Variants in DLGAP1 observed in about 807,000 individuals in gnomAD.
DLGAP1 encodes the protein DLG associated protein 1.
In DLGAP1, 11 loss-of-function variants were observed where a neutral mutation model predicts 90.8. The observed-to-expected ratio is 0.12, with a 90% CI of 0.08 to 0.20. DLGAP1 has a LOEUF of 0.20. DLGAP1 is among the 10% of genes least tolerant of loss of function. DLGAP1 has a pLI of 1.00. For missense variants in DLGAP1, 1,050 were observed against 1,333.8 expected (o/e 0.79, Z 3.31); for synonymous variants, 558 against 540.7 (o/e 1.03, Z -0.44).
chr18:3,752,530 C>T (rs1015954420), intron 5 of DLGAP1, among the ~76,000 whole-genome samples: 4 of 137,908 alleles, frequency 2.9e-5, no homozygotes, highest in African/African-American at 8.1e-5. Flanking sequence ...TCCCTCCCTC[C>T]GTTCCTCCCT....
chr18:4,439,036 C>T (rs1186909032), intron 1 of DLGAP1, among the ~76,000 whole-genome samples: 4 of 152,192 alleles, frequency 2.6e-5, no homozygotes, highest in African/African-American at 9.7e-5. Flanking sequence ...CTGAATGCCT[C>T]CTTCCTGCCT....
chr18:4,205,495 T>G (rs2077703116), intron 1 of DLGAP1, among the ~76,000 whole-genome samples: 1 of 152,230 alleles, frequency 6.6e-6, no homozygotes, highest in Admixed American at 6.5e-5. Context: ...CATTTCTTTC[T>G]TTCCTTTCTC....
intron 9 of DLGAP1, among the ~76,000 whole-genome samples, chr18:3,549,627 G>C (rs1339896338): frequency 6.6e-6 from 1 of 151,956 alleles, no homozygotes; most frequent in East Asian, 1.9e-4. Context: ...CACCACCCCT[G>C]GCCTCTTTTT....
intron 1 of DLGAP1, chr18:4,275,327 T>A (rs1378553260): frequency 6.6e-6 from 1 of 152,176 alleles, no homozygotes; most frequent in Non-Finnish European, 1.5e-5. Flanking sequence ...GAGATCCTCG[T>A]GGTGAATTCC....
At chr18:4,374,442 A>G (rs117042346) in intron 1 of DLGAP1, among the ~76,000 whole-genome samples, 2,800 of 152,260 alleles carry the variant, frequency 0.018, 55 homozygotes, top group Non-Finnish European at 0.022. Flanking sequence ...TGAAAAAACT[A>G]TAGCACAAGA....
chr18:4,433,421 C>A (rs1302230417), intron 1 of DLGAP1, among the ~76,000 whole-genome samples: 2 of 152,120 alleles, frequency 1.3e-5, no homozygotes, highest in Non-Finnish European at 2.9e-5. Context: ...GTTACCAAAA[C>A]CAAACTTCTA....
chr18:4,109,536 G>A (rs1418479328), intron 2 of DLGAP1, among the ~76,000 whole-genome samples: 1 of 150,090 alleles, frequency 6.7e-6, no homozygotes, highest in Non-Finnish European at 1.5e-5. Context: ...TCACTACTTG[G>A]AGACCTGTAT....
chr18:3,997,402 TC>T lies in DLGAP1; in HGVS notation c.-73+7713del, dbSNP rs1163269744. Among the ~76,000 whole-genome samples the T allele has an allele frequency of 3.3e-4, 44 of 133,820 alleles. 8 individuals carry two copies. The highest frequency in any genetic ancestry group is 1.2e-3 in the African/African-American group (44 of 35,794). 87.8% of individuals were successfully genotyped at this position (133,820 alleles called of 152,430 possible). ...AGAGAAAGATGCCAGCTTGGGTCGC[TC>T]CCCCTCACCCCTAGGCTCGGTTAAA... On this transcript the variant is annotated intron_variant, in intron 3 of 12. Transcript: ENST00000315677.
intron 11 of DLGAP1, among the ~76,000 whole-genome samples, chr18:3,507,218 T>G (rs1485409382): frequency 6.6e-6 from 1 of 152,036 alleles, no homozygotes; most frequent in Non-Finnish European, 1.5e-5. Flanking sequence ...CCAAGTGCGA[T>G]GGCGTGCCTG....
At chr18:3,788,299 G>A (rs918647852) in intron 5 of DLGAP1, among the ~76,000 whole-genome samples, 4 of 152,148 alleles carry the variant, frequency 2.6e-5, no homozygotes, top group African/African-American at 9.7e-5. Flanking sequence ...AGATAGGGAG[G>A]AAACTTTTAA....
rs769345980 is a variant in DLGAP1, at chr18:4,228,374, C to T, written c.-266-77087G>A. Among the ~76,000 whole-genome samples the T allele has an allele frequency of 1.3e-4, 20 of 151,980 alleles. No individual in the cohort carries two copies. In the South Asian group the frequency reaches 2.3e-3, roughly 17 times the overall value. On this transcript the variant is annotated intron_variant, in intron 1 of 12. Transcript: ENST00000315677. ...GTATTGTCCTGATACCAAAACAAGA[C>T]GAAGACACATCAAGAAAAAGAAAAC...
intron 1 of DLGAP1, among the ~76,000 whole-genome samples, chr18:4,375,223 A>G (rs1368277199): frequency 1.3e-5 from 2 of 152,118 alleles, no homozygotes; most frequent in African/African-American, 4.8e-5. Context: ...TGTGTTTTTC[A>G]GTGAAATATT....
intron 3 of DLGAP1, among the ~76,000 whole-genome samples, chr18:3,997,039 T>C (rs1166631669): frequency 2.2e-5 from 1 of 46,412 alleles, no homozygotes; most frequent in Non-Finnish European, 4.1e-5. Flanking sequence ...TCTTTTTTTT[T>C]TTTTTCATAT....
intron 7 of DLGAP1, among the ~76,000 whole-genome samples, chr18:3,726,817 G>A (rs1264770737): frequency 6.6e-6 from 1 of 152,194 alleles, no homozygotes; most frequent in Non-Finnish European, 1.5e-5. Context: ...GGGCAGCCAA[G>A]CCTGGAGCCT....
chr18:4,160,119 T>C (rs2076820850), intron 1 of DLGAP1, among the ~76,000 whole-genome samples: 1 of 152,234 alleles, frequency 6.6e-6, no homozygotes, highest in Non-Finnish European at 1.5e-5. Flanking sequence ...TAATATCTTA[T>C]AATCTGTGTG....
At chr18:3,588,754 T>C (rs1433318154) in intron 7 of DLGAP1, among the ~76,000 whole-genome samples, 3 of 138,946 alleles carry the variant, frequency 2.2e-5, no homozygotes, top group South Asian at 4.4e-4. Context: ...CACTCCAGCC[T>C]GAGCGACAGA....
chr18:4,414,255 G>A (rs1276157644), intron 1 of DLGAP1, among the ~76,000 whole-genome samples: 1 of 152,186 alleles, frequency 6.6e-6, no homozygotes, highest in Admixed American at 6.5e-5. Context: ...CTATTTATAT[G>A]AAATGTCTTG....
chr18:3,747,580 A>G (rs911842134), intron 5 of DLGAP1, among the ~76,000 whole-genome samples: 4 of 152,212 alleles, frequency 2.6e-5, no homozygotes, highest in Non-Finnish European at 5.9e-5. Flanking sequence ...CAGGGCAGTG[A>G]CGGGAGTGGC....
chr18:3,702,920 A>G (rs960557045), intron 7 of DLGAP1, among the ~76,000 whole-genome samples: 12 of 152,164 alleles, frequency 7.9e-5, no homozygotes, highest in Non-Finnish European at 1.6e-4. Flanking sequence ...AAGTCCCAGA[A>G]AGGAGTATAA....
Sources: allele counts gnomAD v4.1 joint callset (sites outside exome capture counted in the v4.1 genomes callset), GRCh38; gene constraint gnomAD v4.1.1; transcripts MANE v1.5; gene names NCBI Gene and HGNC (gene_info 2026-07-23, HGNC 2026-07-21).